The following TENM1 variants were observed in gnomAD, a reference collection of about 807,000 sequenced individuals.
The protein encoded by TENM1 is teneurin-1.
Under a neutral mutation model 174.8 loss-of-function variants are expected in TENM1, and 35 were observed. That is an observed-to-expected ratio of 0.20 (90% confidence interval 0.15 to 0.27). TENM1 has a LOEUF of 0.27. Ranked by LOEUF, TENM1 falls within the 10% of genes least tolerant of loss-of-function variation. The pLI is 1.00. For synonymous variants in TENM1, 781 were observed against 798.7 expected (o/e 0.98, Z 0.37); for missense variants, 1,633 against 2,130.1 (o/e 0.77, Z 4.59).
At chrX:124,820,326 C>G (rs1460813300) in intron 3 of TENM1, among the ~76,000 whole-genome samples, 2 of 111,211 alleles carry the variant, frequency 1.8e-5, no homozygotes, top group Admixed American at 9.6e-5. Context: ...TTCCTCCCAG[C>G]CGCCCCCCCA....
chrX:124,546,131 G>C (rs1242398210), intron 15 of TENM1, among the ~76,000 whole-genome samples: 1 of 111,637 alleles, frequency 9.0e-6, no homozygotes, highest in Non-Finnish European at 1.9e-5. Context: ...GGAGTTCCTG[G>C]ACAAATACTT....
intron 3 of TENM1, among the ~76,000 whole-genome samples, chrX:124,814,166 T>G (rs1160907781): frequency 9.0e-6 from 1 of 110,976 alleles, no homozygotes; most frequent in Non-Finnish European, 1.9e-5. Flanking sequence ...ATCCTTGCTA[T>G]GTGACCTTGG....
chrX:124,931,014 G>T (rs2058162019), intron 1 of TENM1, among the ~76,000 whole-genome samples: 1 of 111,403 alleles, frequency 9.0e-6, no homozygotes, highest in African/African-American at 3.3e-5. Flanking sequence ...CCAAGCATGT[G>T]GCGACTGGCA....
At chrX:124,544,788 C>A (rs931638440) in intron 15 of TENM1, among the ~76,000 whole-genome samples, 8 of 111,908 alleles carry the variant, frequency 7.1e-5, no homozygotes, top group African/African-American at 1.9e-4. Context: ...TGCTACAATG[C>A]AAGCTTTCTG....
At chrX:124,555,281 G>A (rs1371065646) in intron 14 of TENM1, among the ~76,000 whole-genome samples, 1 of 111,509 alleles carries the variant, frequency 9.0e-6, no homozygotes, top group African/African-American at 3.3e-5. Flanking sequence ...TGTCTGGAAC[G>A]TTTTTCCCCT....
At chrX:124,530,419 A>T (rs373172752) in intron 15 of TENM1, among the ~76,000 whole-genome samples, 51 of 110,800 alleles carry the variant, frequency 4.6e-4, no homozygotes, top group African/African-American at 1.6e-3. Flanking sequence ...CTTTTCTCTT[A>T]TCAAAATTAA....
chrX:124,887,619 A>G (rs2057411410), intron 3 of TENM1, among the ~76,000 whole-genome samples: 1 of 111,771 alleles, frequency 8.9e-6, no homozygotes, highest in South Asian at 3.7e-4. Flanking sequence ...AATGGCTTGA[A>G]ATTCAGTATC....
At chrX:125,038,126 A>G in the TENM1 span, among the ~76,000 whole-genome samples, 5 of 111,506 alleles carry the variant, frequency 4.5e-5, no homozygotes, top group South Asian at 1.5e-3. Flanking sequence ...GATCATTGCT[A>G]TAAGTAGCTT....
At chrX:125,075,550 A>G in the TENM1 span, among the ~76,000 whole-genome samples, 1 of 111,295 alleles carries the variant, frequency 9.0e-6, no homozygotes, top group South Asian at 3.8e-4. Context: ...AAAATGTACA[A>G]TTTGGTAGAT....
rs1473336505 is a variant in TENM1 at position 124,759,199 on chromosome X, G to A, written c.536-22002C>T. 9.9e-5 allele frequency among the ~76,000 whole-genome samples: 11 copies of A among 111,644 alleles called. No homozygotes were observed. The East Asian group carries it at 1.7e-3, about 17-fold the overall frequency. On this transcript the variant is annotated intron_variant, in intron 3 of 31. Transcript: ENST00000422452. ...AATATCACAGTGGACAAATGAAAGC[G>A]TTATGAATAGGGCAGACAAGTTATA...
At chrX:124,730,159 C>T (rs112554408) in intron 4 of TENM1, among the ~76,000 whole-genome samples, 13 of 110,917 alleles carry the variant, frequency 1.2e-4, no homozygotes, top group East Asian at 2.9e-4. Flanking sequence ...TGTGAGCCAC[C>T]GGGCCAGGCC....
intron 18 of TENM1, among the ~76,000 whole-genome samples, chrX:124,512,673 CA>C (rs3216399): frequency 0.16 from 18,160 of 110,711 alleles, 1,149 homozygotes; most frequent in Middle Eastern, 0.2. Context: ...TGTTTCCTTA[CA>C]AAAAAATGGT....
the TENM1 span, among the ~76,000 whole-genome samples, chrX:125,074,063 T>C: frequency 1.8e-5 from 2 of 111,232 alleles, no homozygotes; most frequent in East Asian, 5.7e-4. Flanking sequence ...TAAAATTCTA[T>C]ACAACTTTGA....
At chrX:124,893,498 A>C (rs937172199) in intron 3 of TENM1, among the ~76,000 whole-genome samples, 2 of 112,576 alleles carry the variant, frequency 1.8e-5, no homozygotes, top group African/African-American at 6.4e-5. Flanking sequence ...GAACATTCAT[A>C]TTCTTCCTAC....
chrX:124,879,210 C>T (rs1439111040), intron 3 of TENM1, among the ~76,000 whole-genome samples: 1 of 111,666 alleles, frequency 9.0e-6, no homozygotes, highest in African/African-American at 3.3e-5. Context: ...TGCTATTGAA[C>T]ATTAGAAATT....
intron 1 of TENM1, among the ~76,000 whole-genome samples, chrX:124,946,927 G>GAAAA (rs377225365): frequency 1.5e-4 from 12 of 78,098 alleles, no homozygotes; most frequent in African/African-American, 5.1e-4. Context: ...CTGTAAAACT[G>GAAAA]AAAAAAAAAA....
Position 124,380,554 on chromosome X carries a change from GCT to G in TENM1, c.8179_8180del (p.Ser2727ArgfsTer24). The G allele has an allele frequency of 9.2e-6, 11 of 1,199,219 alleles. No individual in the cohort carries two copies. Among genetic ancestry groups the G allele is most frequent in the Non-Finnish European group, 1.2e-5 (11 of 888,080 alleles). On this transcript the variant is annotated frameshift_variant, in exon 32 of 32. Coordinates refer to ENST00000422452, the Ensembl canonical transcript of TENM1. LOFTEE classifies it high-confidence loss of function. ...ATTTTTGTTACCTCCTGCCTATTTC[GCT>G]CTGTCTCATAAAGTGAATATTATTG... is the stretch of plus-strand genomic sequence containing the variant.
chrX:124,600,324 C>T (rs1457566290), intron 11 of TENM1, among the ~76,000 whole-genome samples: 1 of 111,438 alleles, frequency 9.0e-6, no homozygotes, highest in Non-Finnish European at 1.9e-5. Context: ...CTTGAAGTGG[C>T]AGTCAGTCAC....
At chrX:125,061,007 A>G in the TENM1 span, among the ~76,000 whole-genome samples, 2 of 109,711 alleles carry the variant, frequency 1.8e-5, no homozygotes, top group Non-Finnish European at 3.8e-5. Flanking sequence ...GATTTTATAT[A>G]TATATATATA....
Sources: gnomAD v4.1 joint callset for allele counts (sites outside exome capture counted in the v4.1 genomes callset) on GRCh38, gnomAD v4.1.1 for gene constraint, MANE v1.5 for transcripts, NCBI Gene and HGNC (gene_info 2026-07-23, HGNC 2026-07-21) for gene names.